SHANK2: variants seen among roughly 807,000 people sequenced by gnomAD.
The protein encoded by SHANK2 is SH3 and multiple ankyrin repeat domains 2.
In SHANK2, 43 loss-of-function variants were observed where a neutral mutation model predicts 133.7. The observed-to-expected ratio is 0.32, with a 90% CI of 0.25 to 0.41. SHANK2 has a LOEUF of 0.41. Among genes scored for constraint, SHANK2 ranks in the 10% least tolerant of loss-of-function variants. The pLI, the probability that SHANK2 is intolerant of heterozygous loss-of-function variation, is 1.00. For synonymous variants in SHANK2, 1,017 were observed against 952.8 expected (o/e 1.07, Z -1.24); for missense variants, 1,994 against 2,235.8 (o/e 0.89, Z 2.18).
At chr11:70,954,194 T>C (rs1225716636) in intron 10 of SHANK2, among the ~76,000 whole-genome samples, 9 of 152,208 alleles carry the variant, frequency 5.9e-5, no homozygotes, top group Non-Finnish European at 7.3e-5. Flanking sequence ...AACAGTCTTG[T>C]TGGGGCTCAT....
At chr11:70,738,918 C>T (rs1316033816) in intron 14 of SHANK2, among the ~76,000 whole-genome samples, 1 of 152,348 alleles carries the variant, frequency 6.6e-6, no homozygotes, top group Admixed American at 6.5e-5. Flanking sequence ...AGATCCGGCC[C>T]ATGGAGAAAG....
intron 14 of SHANK2, among the ~76,000 whole-genome samples, chr11:70,760,990 A>G (rs1591821297): frequency 6.6e-6 from 1 of 152,162 alleles, no homozygotes; most frequent in Non-Finnish European, 1.5e-5. Flanking sequence ...GCCCAGGGGC[A>G]GTGGTGGAGG....
At chr11:70,766,111 T>C (rs1379180279) in intron 14 of SHANK2, among the ~76,000 whole-genome samples, 1 of 152,226 alleles carries the variant, frequency 6.6e-6, no homozygotes, top group Non-Finnish European at 1.5e-5. Context: ...ACAATGTGCA[T>C]GTCCTTAAAA....
intron 17 of SHANK2, among the ~76,000 whole-genome samples, chr11:70,547,008 C>T (rs569498173): frequency 2.6e-5 from 4 of 152,152 alleles, no homozygotes; most frequent in Non-Finnish European, 5.9e-5. Flanking sequence ...CCTCCCACCC[C>T]CACCTGGGAT....
intron 17 of SHANK2, among the ~76,000 whole-genome samples, chr11:70,611,146 G>C (rs2060651938): frequency 6.6e-6 from 1 of 152,210 alleles, no homozygotes; most frequent in African/African-American, 2.4e-5. Context: ...AAGAAAAGTG[G>C]CAGCTTTCAA....
chr11:70,865,586 G>A lies in SHANK2; in HGVS notation c.1174+30915C>T, dbSNP rs114833978. On this transcript the variant is annotated intron_variant, in intron 11 of 25. Coordinates refer to ENST00000601538, the MANE Select transcript of SHANK2 (RefSeq NM_012309.5). ...ATTGGATGGAGGTGTGCCTCAGGGT[G>A]GGGTGGGGTGGCCGGGCAGGCTCAG... Among the ~76,000 whole-genome samples the A allele has an allele frequency of 1.5e-3, 234 of 152,282 alleles. 2 individuals are homozygous for A. Among genetic ancestry groups the A allele is most frequent in the African/African-American group, 5.2e-3 (218 of 41,558 alleles).
Position 70,804,258 on chromosome 11 carries a change from G to A in SHANK2, c.1663+2744C>T, listed in dbSNP as rs868920623. Among the ~76,000 whole-genome samples the A allele has an allele frequency of 2.4e-3, 368 of 152,024 alleles. 3 individuals carry two copies. Among genetic ancestry groups the A allele is most frequent in the Middle Eastern group, 0.014 (4 of 290 alleles). On this transcript the variant is annotated intron_variant, in intron 13 of 25. Transcript: ENST00000601538. This position sits in a 1 kb window ranked among gnomAD's most constrained non-coding sequence, Gnocchi z 4.1. The stretch of plus-strand genomic sequence containing the variant: ...TGCAGGCAGTGGATCGGCTCGACCC[G>A]CCCGCCTCTAAGCACTGCCATGCAG...
At chr11:70,692,481 G>C (rs1735879446) in intron 15 of SHANK2, among the ~76,000 whole-genome samples, 1 of 152,230 alleles carries the variant, frequency 6.6e-6, no homozygotes, top group African/African-American at 2.4e-5. Flanking sequence ...GTTGCATAGT[G>C]ACTTAGCTGG....
chr11:70,843,018 A>G (rs1263624003), intron 11 of SHANK2, among the ~76,000 whole-genome samples: 2 of 152,062 alleles, frequency 1.3e-5, no homozygotes, highest in Admixed American at 1.3e-4. Flanking sequence ...AGAGCTGCCC[A>G]CACCACACCC....
At chr11:71,173,543 C>G (rs1444659015) in intron 2 of SHANK2, among the ~76,000 whole-genome samples, 4 of 152,240 alleles carry the variant, frequency 2.6e-5, no homozygotes, top group Admixed American at 6.5e-5. Flanking sequence ...AACATTCTTT[C>G]ACATCCACAA....
rs1266083132 is a variant in SHANK2 at position 70,468,655 on chromosome 11, T to G, written c.*4214A>C. The stretch of plus-strand genomic sequence containing the variant: ...GGAAGAAACCATTGGAAGCAAAGTC[T>G]AGGGGGGTGCCAAGGTTTGGGAGAA... On this transcript the variant is annotated 3_prime_UTR_variant, in exon 26 of 26. Coordinates refer to ENST00000601538, the MANE Select transcript of SHANK2 (RefSeq NM_012309.5). 1 of 152,248 alleles carries G rather than the reference T, an allele frequency of 6.6e-6. No homozygotes were observed. Among genetic ancestry groups the G allele is most frequent in the South Asian group, 2.1e-4 (1 of 4,810 alleles). The allele number at this position is 152,248 out of a possible 1,614,324, so 9.4% of individuals were successfully genotyped here.
chr11:71,252,529 C>T lies in SHANK2; in HGVS notation c.-217G>A, dbSNP rs1948203215. The T allele has an allele frequency of 6.6e-6, 1 of 150,942 alleles. No homozygotes were observed. Among genetic ancestry groups the T allele is most frequent in the African/African-American group, 2.4e-5 (1 of 41,280 alleles). The allele number at this position is 150,942 out of a possible 1,614,324, so 9.4% of individuals were successfully genotyped here. A position where few individuals can be genotyped will look rare whatever the true frequency, so the allele number is the denominator to read the frequency against. On this transcript the variant is annotated 5_prime_UTR_variant, in exon 1 of 26. Transcript: ENST00000601538. This position sits in a 1 kb window ranked among gnomAD's most constrained non-coding sequence, Gnocchi z 6.3. Reference sequence around the variant, plus strand: ...CCGAGCGGCGCCGCGCCCAGCCCCGCCGGAGCTCAGGAGCCGCCGCCGCGG... The same window carrying T: ...CCGAGCGGCGCCGCGCCCAGCCCCGTCGGAGCTCAGGAGCCGCCGCCGCGG...
At chr11:70,547,946 A>G (rs960677107) in intron 17 of SHANK2, among the ~76,000 whole-genome samples, 20 of 152,224 alleles carry the variant, frequency 1.3e-4, no homozygotes, top group Non-Finnish European at 2.6e-4. Context: ...TTTGAACTAG[A>G]ACCGGAAACA....
In SHANK2 at chr11:70,807,541, A is replaced by C. The variant is rs1948189408; in HGVS notation, c.1494-370T>G. The stretch of plus-strand genomic sequence containing the variant: ...CTGTTTAGCCTCCATCAGGAATTAA[A>C]CTCTGGGCCAGGCGTGGTGGGATCA... On this transcript the variant is annotated intron_variant, in intron 12 of 25. Transcript: ENST00000601538. The surrounding 1 kb of genome is among the most constrained non-coding windows in gnomAD (Gnocchi z 4.8). Among the ~76,000 whole-genome samples, 1 of 151,938 alleles carries C rather than the reference A, an allele frequency of 6.6e-6. No individual in the cohort carries two copies. The highest frequency in any genetic ancestry group is 2.4e-5 in the African/African-American group (1 of 41,352).
intron 14 of SHANK2, among the ~76,000 whole-genome samples, chr11:70,714,980 T>C (rs1736998273): frequency 6.6e-6 from 1 of 151,614 alleles, no homozygotes; most frequent in Non-Finnish European, 1.5e-5. Context: ...TTTTTTTTTT[T>C]TTACTTTCTG....
rs60328720 is a variant in SHANK2, at chr11:70,954,567, G to A, written c.1108-58000C>T. Among the ~76,000 whole-genome samples the A allele has an allele frequency of 7.1e-3, 1,075 of 152,364 alleles. 18 individuals are homozygous for A. The highest frequency in any genetic ancestry group is 0.024 in the African/African-American group (988 of 41,584). On this transcript the variant is annotated intron_variant, in intron 10 of 25. Coordinates refer to ENST00000601538, the MANE Select transcript of SHANK2 (RefSeq NM_012309.5). The stretch of plus-strand genomic sequence containing the variant: ...AAAGCCAGGCTCTGACATTTCGGGA[G>A]ATCCGCCCTCACTTTCATGGGCTGA...
intron 17 of SHANK2, among the ~76,000 whole-genome samples, chr11:70,546,514 T>C (rs980104345): frequency 6.6e-6 from 1 of 152,210 alleles, no homozygotes; most frequent in African/African-American, 2.4e-5. Context: ...TTTTTTATTA[T>C]TCCAAGTTGT....
rs563723448 is a variant in SHANK2 at position 70,747,356 on chromosome 11, C to T, written c.1778-48593G>A. ...GACCCGGGCAGTTACCAGCTGGCTA[C>T]CCGGAGAACACAGTCCTGTTTTCTG... On this transcript the variant is annotated intron_variant, in intron 14 of 25. Transcript: ENST00000601538. Among the ~76,000 whole-genome samples, 5 of 152,240 alleles carry T rather than the reference C, an allele frequency of 3.3e-5. No homozygotes were observed. The South Asian group carries it at 8.3e-4, about 25-fold the overall frequency.
intron 10 of SHANK2, among the ~76,000 whole-genome samples, chr11:70,923,415 G>C (rs1555081013): frequency 6.6e-6 from 1 of 152,000 alleles, no homozygotes; most frequent in African/African-American, 2.4e-5. Flanking sequence ...GATAATTTTT[G>C]TATCTTTAGT....
Sources: gnomAD v4.1 joint callset for allele counts (sites outside exome capture counted in the v4.1 genomes callset) on GRCh38, gnomAD v4.1.1 for gene constraint, Gnocchi (gnomAD v3.1) non-coding constraint, MANE v1.5 for transcripts, NCBI Gene and HGNC (gene_info 2026-07-23, HGNC 2026-07-21) for gene names.